The following PXDN variants were observed in gnomAD, a reference collection of about 807,000 sequenced individuals.
PXDN encodes the protein peroxidasin homolog.
PXDN carries 77 observed loss-of-function variants against 140.3 expected under a neutral mutation model. The ratio of observed to expected loss-of-function variants is 0.55; its 90% CI spans 0.46 to 0.66. The LOEUF is 0.66. Among genes scored for constraint, PXDN ranks in the 30% least tolerant of loss-of-function variants. The pLI is 0.00. For missense variants in PXDN, 1,838 were observed against 2,039.5 expected, an observed-to-expected ratio of 0.90 and a Z score of 1.90; for synonymous variants, 911 against 857.4, an observed-to-expected ratio of 1.06 and a Z score of -1.09.
intron 19 of PXDN, among the ~76,000 whole-genome samples, chr2:1,642,508 T>A (rs1682751980): frequency 6.6e-6 from 1 of 152,130 alleles, no homozygotes; most frequent in Admixed American, 6.6e-5. Flanking sequence ...TGGCCCCACC[T>A]CCCGGTCACG....
chr2:1,735,636 G>C (rs1243760958), intron 1 of PXDN, among the ~76,000 whole-genome samples: 2 of 152,170 alleles, frequency 1.3e-5, no homozygotes, highest in Non-Finnish European at 2.9e-5. Flanking sequence ...AAACAAATAT[G>C]CTGTCATCCA....
At chr2:1,717,061 C>CTAAG (rs1684911875) in intron 1 of PXDN, among the ~76,000 whole-genome samples, 1 of 152,200 alleles carries the variant, frequency 6.6e-6, no homozygotes, top group African/African-American at 2.4e-5. Flanking sequence ...TTTAACTTGG[C>CTAAG]TAAGGTCTGT....
At chr2:1,653,519 A>G (rs1683060916) in intron 16 of PXDN, 109 bp downstream of exon 16, 1 of 1,402,930 alleles carries the variant, frequency 7.1e-7, no homozygotes, top group Non-Finnish European at 9.9e-7. Flanking sequence ...TCATAAGCAC[A>G]GTGGGAAAGA....
chr2:1,704,661 G>A (rs1445607311), intron 1 of PXDN, among the ~76,000 whole-genome samples: 1 of 130,132 alleles, frequency 7.7e-6, no homozygotes, highest in Non-Finnish European at 1.6e-5. Context: ...AGCTCCAGGT[G>A]AAGGGGGGGC....
At chr2:1,644,872 T>A in intron 17 of PXDN, 120 bp from the exon 18 acceptor site, 2 of 1,138,046 alleles carry the variant, frequency 1.8e-6, no homozygotes, top group Non-Finnish European at 2.3e-6. Flanking sequence ...GAATTTTACT[T>A]AACAAAGAAA....
At chr2:1,708,515 A>C (rs1420587144) in intron 1 of PXDN, among the ~76,000 whole-genome samples, 6 of 152,134 alleles carry the variant, frequency 3.9e-5, no homozygotes, top group Non-Finnish European at 8.8e-5. Flanking sequence ...AGTGATTCTC[A>C]ATCCTCCTTT....
chr2:1,697,412 A>G (rs1406125788), intron 1 of PXDN, among the ~76,000 whole-genome samples: 2 of 152,162 alleles, frequency 1.3e-5, no homozygotes, highest in African/African-American at 2.4e-5. Flanking sequence ...CTCCAATTAA[A>G]AAGTACTTAA....
intron 10 of PXDN, among the ~76,000 whole-genome samples, chr2:1,665,773 A>C (rs1199237889): frequency 1.3e-5 from 2 of 152,246 alleles, no homozygotes; most frequent in African/African-American, 4.8e-5. Flanking sequence ...TCAATTAAGC[A>C]ATGTAGAAAT....
chr2:1,725,665 C>T (rs1200318073), intron 1 of PXDN, among the ~76,000 whole-genome samples: 3 of 152,140 alleles, frequency 2.0e-5, no homozygotes, highest in Non-Finnish European at 4.4e-5. Flanking sequence ...AGAAAATTTT[C>T]GCGACCTACT....
chr2:1,692,037 A>G, intron 2 of PXDN, 38 bp from the exon 3 acceptor site: 1 of 1,405,548 alleles, frequency 7.1e-7, no homozygotes, highest in Non-Finnish European at 9.7e-7. Flanking sequence ...AAAAAACAAC[A>G]GAAAACAAAC....
intron 1 of PXDN, among the ~76,000 whole-genome samples, chr2:1,742,694 C>T (rs912446354): frequency 2.0e-5 from 3 of 152,218 alleles, no homozygotes; most frequent in Non-Finnish European, 4.4e-5. Flanking sequence ...TCACCCGGCT[C>T]CATTCTAAAA....
chr2:1,696,307 A>T (rs948410138), intron 1 of PXDN, among the ~76,000 whole-genome samples: 1 of 152,180 alleles, frequency 6.6e-6, no homozygotes, highest in Non-Finnish European at 1.5e-5. Context: ...GGTTAAGGGG[A>T]TCATTTCACA....
intron 19 of PXDN, among the ~76,000 whole-genome samples, chr2:1,640,518 G>T (rs1682699968): frequency 6.6e-6 from 1 of 152,142 alleles, no homozygotes; most frequent in African/African-American, 2.4e-5. Context: ...AGCTCCCTCT[G>T]CCCCCACAGC....
At chr2:1,713,147 A>C (rs550942042) in intron 1 of PXDN, among the ~76,000 whole-genome samples, 1 of 152,094 alleles carries the variant, frequency 6.6e-6, no homozygotes, top group African/African-American at 2.4e-5. Flanking sequence ...CGAGTCCCCA[A>C]GCCGCTGCAC....
At chr2:1,658,083 T>TCTCTCTCTCCCTCCCC (rs1553359702) in intron 14 of PXDN, among the ~76,000 whole-genome samples, 3 of 77,700 alleles carry the variant, frequency 3.9e-5, no homozygotes, top group African/African-American at 1.7e-4. Context: ...TCTCTCTCTC[T>TCTCTCTCTCCCTCCCC]CTCTCTCTCT....
intron 1 of PXDN, among the ~76,000 whole-genome samples, chr2:1,716,463 A>C (rs1180980668): frequency 7.1e-6 from 1 of 141,830 alleles, no homozygotes; most frequent in South Asian, 2.2e-4. Context: ...AAAAAAAAAA[A>C]AAAAAAACCA....
intron 7 of PXDN, among the ~76,000 whole-genome samples, chr2:1,678,611 T>C (rs1156600177): frequency 5.3e-5 from 8 of 152,246 alleles, no homozygotes; most frequent in East Asian, 1.9e-4. Flanking sequence ...TGAACACCCA[T>C]AGGAGCATCA....
At chr2:1,653,558 G>T in intron 16 of PXDN, 70 bp downstream of exon 16, 1 of 1,558,344 alleles carries the variant, frequency 6.4e-7, no homozygotes, top group South Asian at 1.2e-5. Flanking sequence ...CTAGGAATGT[G>T]ACTTAACTGA....
chr2:1,696,014 C>A (rs1042745197), intron 1 of PXDN, among the ~76,000 whole-genome samples: 20 of 152,130 alleles, frequency 1.3e-4, no homozygotes, highest in African/African-American at 4.6e-4. Flanking sequence ...TCCACAGGCC[C>A]CTGTGCCCTG....
Sources: gnomAD v4.1 joint callset for allele counts (sites outside exome capture counted in the v4.1 genomes callset) on GRCh38, gnomAD v4.1.1 for gene constraint, MANE v1.5 for transcripts, NCBI Gene and HGNC (gene_info 2026-07-23, HGNC 2026-07-21) for gene names.